The following TNRC6B variants were observed in gnomAD, a reference collection of about 807,000 sequenced individuals.
The protein encoded by TNRC6B is trinucleotide repeat containing adaptor 6B.
A neutral mutation model predicts 203.6 loss-of-function variants in TNRC6B; 52 were observed. That is an observed-to-expected ratio of 0.26 (90% CI 0.20 to 0.32). The LOEUF is 0.32. Among genes scored for constraint, TNRC6B ranks in the 10% least tolerant of loss-of-function variants. TNRC6B has a pLI of 1.00. For synonymous variants in TNRC6B, 838 were observed against 845.7 expected (o/e 0.99, Z 0.16); for missense variants, 1,923 against 2,286.2 (o/e 0.84, Z 3.24).
At chr22:40,315,159 T>C in intron 19 of TNRC6B, 124 bp from the exon 20 acceptor site, 1 of 759,832 alleles carries the variant, frequency 1.3e-6, no homozygotes, top group East Asian at 2.7e-5. Context: ...TTAAAATGTG[T>C]ACTATTACTT....
At chr22:40,058,479 A>G (rs965316214) in intron 1 of TNRC6B, among the ~76,000 whole-genome samples, 3 of 148,850 alleles carry the variant, frequency 2.0e-5, no homozygotes, top group African/African-American at 7.8e-5. Context: ...CGCTTCCTGA[A>G]CTGGCCAGAG....
intron 1 of TNRC6B, among the ~76,000 whole-genome samples, chr22:40,046,700 A>G (rs2146258658): frequency 7.5e-6 from 1 of 132,616 alleles, no homozygotes; most frequent in Non-Finnish European, 1.5e-5. Context: ...GCTGGAGTGT[A>G]GTGGCACAAT....
rs367899746 is a variant in TNRC6B, at chr22:40,120,667, A to G, written c.-47+3539A>G. Among the ~76,000 whole-genome samples, 20 of 152,290 alleles carry G rather than the reference A, an allele frequency of 1.3e-4. 2 individuals are homozygous for G. Among genetic ancestry groups the G allele is most frequent in the Admixed American group, 9.8e-4 (15 of 15,304 alleles). On this transcript the variant is annotated intron_variant, in intron 2 of 23. Coordinates refer to the TNRC6B transcript ENST00000301923. ...CAGATATAAGTTGAGATCAAAGGGTATCCAATAAGTAATATTCTCTTCCCT... is the reference window on the plus strand; with the variant it reads ...CAGATATAAGTTGAGATCAAAGGGTGTCCAATAAGTAATATTCTCTTCCCT...
At chr22:40,299,158 C>CAAAAAAAAAAAA (rs796432826) in intron 12 of TNRC6B, among the ~76,000 whole-genome samples, 1 of 103,068 alleles carries the variant, frequency 9.7e-6, no homozygotes, top group South Asian at 3.0e-4. Context: ...AAAAAAAAAA[C>CAAAAAAAAAAAA]AAAAAAAAAA....
chr22:40,199,229 C>T (rs936614241), intron 1 of TNRC6B, among the ~76,000 whole-genome samples: 5 of 152,060 alleles, frequency 3.3e-5, no homozygotes, highest in Admixed American at 6.5e-5. Flanking sequence ...AACCTATGTA[C>T]GGACTTATCA....
chr22:40,277,678 C>T (rs928506429), intron 8 of TNRC6B, among the ~76,000 whole-genome samples: 2 of 152,158 alleles, frequency 1.3e-5, no homozygotes, highest in Non-Finnish European at 2.9e-5. Flanking sequence ...CATTATTTGG[C>T]GGTCACTCAT....
At chr22:40,122,979 G>A (rs1397078447) in intron 2 of TNRC6B, among the ~76,000 whole-genome samples, 1 of 152,164 alleles carries the variant, frequency 6.6e-6, no homozygotes, top group African/African-American at 2.4e-5. Context: ...TCCCCCTCCA[G>A]GTTCCAGTCA....
intron 1 of TNRC6B, among the ~76,000 whole-genome samples, chr22:40,103,386 G>A (rs751412514): frequency 4.6e-5 from 7 of 151,772 alleles, no homozygotes; most frequent in Admixed American, 3.3e-4. Context: ...CTTTTCCCAC[G>A]CCATGCCCCA....
chr22:40,075,513 TA>T (rs2068005483), intron 1 of TNRC6B, among the ~76,000 whole-genome samples: 1 of 152,136 alleles, frequency 6.6e-6, no homozygotes, highest in African/African-American at 2.4e-5. Flanking sequence ...TTCGTGTCTT[TA>T]TTTTTTTAAT....
intron 3 of TNRC6B, among the ~76,000 whole-genome samples, chr22:40,132,955 A>AT (rs1399923213): frequency 0.19 from 17,581 of 92,842 alleles, 1,780 homozygotes; most frequent in African/African-American, 0.36. Context: ...AAAAAAAAAA[A>AT]AAAAAAAAAA....
chr22:40,243,840 C>T (rs1319397629), intron 1 of TNRC6B, among the ~76,000 whole-genome samples: 1 of 152,196 alleles, frequency 6.6e-6, no homozygotes, highest in African/African-American at 2.4e-5. Flanking sequence ...CCACCTTGGC[C>T]TCCCAAAGTG....
At chr22:40,219,285 G>A (rs1247354355) in intron 1 of TNRC6B, among the ~76,000 whole-genome samples, 1 of 152,170 alleles carries the variant, frequency 6.6e-6, no homozygotes, top group African/African-American at 2.4e-5. Context: ...AGTGCTCCAT[G>A]CTTTCAGGAC....
At chr22:40,271,633 AT>A (rs1175001542) in intron 6 of TNRC6B, among the ~76,000 whole-genome samples, 1 of 152,202 alleles carries the variant, frequency 6.6e-6, no homozygotes. Flanking sequence ...CTGCAAGAAG[AT>A]GTTAATCAGA....
intron 4 of TNRC6B, among the ~76,000 whole-genome samples, chr22:40,165,363 G>A (rs562248661): frequency 3.2e-4 from 49 of 151,586 alleles, no homozygotes; most frequent in Non-Finnish European, 5.7e-4. Context: ...TTTTAGTAGC[G>A]ACAAAGCCTG....
chr22:40,258,358 T>C (rs1199545667), intron 3 of TNRC6B, among the ~76,000 whole-genome samples: 1 of 152,136 alleles, frequency 6.6e-6, no homozygotes, highest in Non-Finnish European at 1.5e-5. Context: ...CTGATTCTGA[T>C]GTCTTAAGTT....
In TNRC6B at chr22:40,323,246, A is replaced by C; in HGVS notation, c.*5A>C. Reference sequence around the variant, plus strand: ...GGAGGGTCGGATTCAATCTGAACTTAGAACTTTCAACTCTGACCTCGTGAC... The same window carrying C: ...GGAGGGTCGGATTCAATCTGAACTTCGAACTTTCAACTCTGACCTCGTGAC... On this transcript the variant is annotated 3_prime_UTR_variant, in exon 23 of 23. Transcript: ENST00000454349. The C allele has an allele frequency of 6.2e-7, 1 of 1,607,438 alleles. No homozygotes were observed. Among genetic ancestry groups the C allele is most frequent in the Non-Finnish European group, 8.5e-7 (1 of 1,179,036 alleles).
intron 1 of TNRC6B, among the ~76,000 whole-genome samples, chr22:40,197,834 A>G (rs2146402406): frequency 6.7e-6 from 1 of 150,160 alleles, no homozygotes; most frequent in Non-Finnish European, 1.5e-5. Context: ...CTGGTCTTGA[A>G]CTCCTGGGCT....
chr22:40,289,232 C>T (rs1310702670), intron 12 of TNRC6B, among the ~76,000 whole-genome samples: 3 of 151,744 alleles, frequency 2.0e-5, no homozygotes, highest in African/African-American at 4.8e-5. Context: ...CAGTGAACCA[C>T]GATCAAGCCA....
In TNRC6B at chr22:40,329,169, A is replaced by G. The variant is rs1018694922; in HGVS notation, c.*5928A>G. 3.9e-5 allele frequency: 6 copies of G among 152,254 alleles called. No individual in the cohort carries two copies. Among genetic ancestry groups the G allele is most frequent in the African/African-American group, 1.4e-4 (6 of 41,456 alleles). 9.4% of individuals were successfully genotyped at this position (152,254 alleles called of 1,614,324 possible). On this transcript the variant is annotated 3_prime_UTR_variant, in exon 23 of 23. Coordinates refer to ENST00000454349, the MANE Select transcript of TNRC6B (RefSeq NM_001162501.2). The stretch of plus-strand genomic sequence containing the variant: ...AATGAATTGTCAGTCTTCAGACCTC[A>G]TGGTCGTTAAGAAAATAGGGAACTC...
Sources: allele counts gnomAD v4.1 joint callset (sites outside exome capture counted in the v4.1 genomes callset), GRCh38; gene constraint gnomAD v4.1.1; transcripts MANE v1.5; gene names NCBI Gene and HGNC (gene_info 2026-07-23, HGNC 2026-07-21).